MLIP: variants seen among roughly 807,000 people sequenced by gnomAD.
MLIP encodes muscular LMNA interacting protein.
Under a neutral mutation model 84.8 loss-of-function variants are expected in MLIP, and 79 were observed. The ratio of observed to expected loss-of-function variants is 0.93; its 90% CI spans 0.78 to 1.12. The LOEUF is 1.12. Among genes scored for constraint, MLIP ranks in the 50% most tolerant of loss-of-function variants. The pLI is 0.00. For synonymous variants in MLIP, 504 were observed against 463.0 expected (o/e 1.09, Z -1.14); for missense variants, 1,257 against 1,160.6 (o/e 1.08, Z -1.21).
chr6:54,026,267 TA>T (rs1763798057), intron 1 of MLIP, among the ~76,000 whole-genome samples: 5 of 152,232 alleles, frequency 3.3e-5, no homozygotes. Flanking sequence ...GTTCTCCAAA[TA>T]ACTGAGACAA....
chr6:54,265,809 A>G lies in MLIP; in HGVS notation c.2977-141A>G, dbSNP rs1783652359. On this transcript the variant is annotated intron_variant, in intron 13 of 13. Coordinates refer to ENST00000502396, the MANE Select transcript of MLIP (RefSeq NM_001281747.2). ...AAACAAGGAAGGATCTACTTAAGGA[A>G]TAAAAATAAGCTTTTCCTATTGTAG... 9.8e-6 allele frequency: 7 copies of G among 712,648 alleles called. No individual in the cohort carries two copies. In the South Asian group the frequency reaches 1.3e-4, roughly 13 times the overall value. The allele number at this position is 712,648 out of a possible 1,614,324, so 44.1% of individuals were successfully genotyped here. A position where few individuals can be genotyped will look rare whatever the true frequency, so the allele number is the denominator to read the frequency against.
intron 1 of MLIP, among the ~76,000 whole-genome samples, chr6:54,113,963 A>C (rs926794883): frequency 1.3e-5 from 2 of 152,188 alleles, no homozygotes; most frequent in Non-Finnish European, 2.9e-5. Flanking sequence ...TCCTTGAGAG[A>C]CTATCGAACA....
chr6:54,059,988 A>C (rs1246555458), intron 1 of MLIP, among the ~76,000 whole-genome samples: 2 of 152,270 alleles, frequency 1.3e-5, no homozygotes, highest in Non-Finnish European at 1.5e-5. Context: ...GATTTCTCCT[A>C]AAGTTTTATC....
intron 1 of MLIP, among the ~76,000 whole-genome samples, chr6:54,118,421 A>G (rs1271586603): frequency 2.6e-5 from 4 of 152,238 alleles, no homozygotes; most frequent in African/African-American, 7.2e-5. Context: ...AGAACACACA[A>G]TGGGGAAAAG....
chr6:54,145,168 T>C (rs1355824357), intron 4 of MLIP, among the ~76,000 whole-genome samples: 1 of 152,218 alleles, frequency 6.6e-6, no homozygotes, highest in African/African-American at 2.4e-5. Flanking sequence ...TTTTACCTCC[T>C]ATGATTAGCT....
rs1218154402 is a variant in MLIP, at chr6:54,111,514, G to A, written c.35G>A (p.Gly12Glu). ...LSEQGLLSDC[G>E]NNYFQMTSCI... ...GAACAGGGGCTTCTGAGTGACTGCGGGAACAATTACTTCCAAATGACCTCG... is the reference window on the plus strand; with the variant it reads ...GAACAGGGGCTTCTGAGTGACTGCGAGAACAATTACTTCCAAATGACCTCG... The change falls in exon 1 of 14, where the codon GGG becomes GAG. Residue 12 changes from glycine to glutamate, a missense_variant. Physicochemically the swap from Gly to Glu is moderately conservative, Grantham distance 98. Coordinates refer to ENST00000502396, the MANE Select transcript of MLIP (RefSeq NM_001281747.2). The A allele has an allele frequency of 6.5e-7, 1 of 1,535,966 alleles. No individual in the cohort carries two copies. Among genetic ancestry groups the A allele is most frequent in the East Asian group, 2.4e-5 (1 of 40,898 alleles).
At chr6:54,108,526 ATGC>A (rs1314670443), upstream of MLIP, among the ~76,000 whole-genome samples, 1 of 152,236 alleles carries the variant, frequency 6.6e-6, no homozygotes, top group Admixed American at 6.5e-5. Flanking sequence ...TGGCTGAAGC[ATGC>A]TGTTATAATG....
At chr6:54,216,895 T>C (rs914691992) in intron 11 of MLIP, 1 of 985,332 alleles carries the variant, frequency 1.0e-6, no homozygotes, top group African/African-American at 1.7e-5. Context: ...TGTAAAGTGT[T>C]GGTGTCTTTA....
At chr6:54,135,180 A>G (rs1561965914) in intron 3 of MLIP, among the ~76,000 whole-genome samples, 1 of 152,124 alleles carries the variant, frequency 6.6e-6, no homozygotes, top group Non-Finnish European at 1.5e-5. Context: ...AGTTACATAA[A>G]CATTGGCTAA....
chr6:54,038,742 A>G lies in MLIP; in HGVS notation c.63+19651A>G, dbSNP rs138339112. 7.8e-4 allele frequency among the ~76,000 whole-genome samples: 118 copies of G among 151,840 alleles called. 1 individual carries two copies. In the East Asian group the frequency reaches 0.021, roughly 27 times the overall value. ...TCCTGAACTTTTGTTTTCATTACCA[A>G]TCTCTAATTTCTTAGCATGTATTAT... On this transcript the variant is annotated intron_variant, in intron 1 of 12. Coordinates refer to the MLIP transcript ENST00000274897.
At position 54,171,022 on chromosome 6, in the gene MLIP, A is replaced by G. The variant is rs181980513; in HGVS notation, c.2544+1450A>G. 2.7e-4 allele frequency among the ~76,000 whole-genome samples: 41 copies of G among 151,614 alleles called. 1 individual carries two copies. Among genetic ancestry groups the G allele is most frequent in the African/African-American group, 8.9e-4 (37 of 41,478 alleles). The stretch of plus-strand genomic sequence containing the variant: ...TTTTGCTCTCTCTCCTTCTTCTTTT[A>G]TCTACTCTTGCCTTTCAGCAAAATG... On this transcript the variant is annotated intron_variant, in intron 9 of 13. Coordinates refer to ENST00000502396, the MANE Select transcript of MLIP (RefSeq NM_001281747.2).
intron 12 of MLIP, among the ~76,000 whole-genome samples, chr6:54,232,407 G>A (rs937840341): frequency 2.6e-5 from 4 of 152,114 alleles, no homozygotes; most frequent in Non-Finnish European, 5.9e-5. Context: ...AACAAAAGCT[G>A]TGTGAAATCA....
At chr6:54,023,318 TTTGAGA>T (rs1262375470) in intron 1 of MLIP, among the ~76,000 whole-genome samples, 20 of 151,768 alleles carry the variant, frequency 1.3e-4, no homozygotes, top group South Asian at 4.2e-4. Flanking sequence ...AAAGCAACTC[TTTGAGA>T]TTGAGAAAGA....
At chr6:54,199,493 C>G (rs942701095) in intron 10 of MLIP, among the ~76,000 whole-genome samples, 1 of 151,988 alleles carries the variant, frequency 6.6e-6, no homozygotes, top group Non-Finnish European at 1.5e-5. Flanking sequence ...AATGGGTCCT[C>G]AAGGATTTTG....
chr6:54,056,084 T>C (rs1192889585), intron 1 of MLIP, among the ~76,000 whole-genome samples: 1 of 152,168 alleles, frequency 6.6e-6, no homozygotes, highest in South Asian at 2.1e-4. Context: ...TTTAAAAATA[T>C]TTGGTTAAAT....
chr6:54,084,109 A>G (rs980711713), intron 1 of MLIP, among the ~76,000 whole-genome samples: 2 of 152,140 alleles, frequency 1.3e-5, no homozygotes, highest in Admixed American at 1.3e-4. Context: ...TGTGACTATG[A>G]ATTACAGAAG....
At chr6:54,025,728 C>G (rs1763764288) in intron 1 of MLIP, among the ~76,000 whole-genome samples, 1 of 142,838 alleles carries the variant, frequency 7.0e-6, no homozygotes, top group African/African-American at 2.5e-5. Flanking sequence ...GTTGCTTTGC[C>G]CCCATACGTT....
chr6:54,170,963 C>A (rs944232516), intron 9 of MLIP, among the ~76,000 whole-genome samples: 1 of 151,370 alleles, frequency 6.6e-6, no homozygotes, highest in African/African-American at 2.4e-5. Context: ...ATACATTTTA[C>A]AAGAGCCAGA....
intron 12 of MLIP, among the ~76,000 whole-genome samples, chr6:54,240,862 G>A (rs1361230382): frequency 6.6e-6 from 1 of 152,142 alleles, no homozygotes; most frequent in Non-Finnish European, 1.5e-5. Context: ...TGTAGTCCCA[G>A]CTACTCGAGA....
Sources: gnomAD v4.1 joint callset for allele counts (sites outside exome capture counted in the v4.1 genomes callset) on GRCh38, gnomAD v4.1.1 for gene constraint, MANE v1.5 for transcripts, NCBI Gene and HGNC (gene_info 2026-07-23, HGNC 2026-07-21) for gene names.